Variants in NFIA observed in about 807,000 individuals in gnomAD.
NFIA encodes the protein nuclear factor 1 A-type.
Under a neutral mutation model 62.8 loss-of-function variants are expected in NFIA, and 8 were observed. The observed-to-expected ratio is 0.13, with a 90% CI of 0.07 to 0.23. The LOEUF is 0.23. Among genes scored for constraint, NFIA ranks in the 10% least tolerant of loss-of-function variants. The pLI is 1.00. For missense variants in NFIA, 410 were observed against 642.1 expected (o/e 0.64, Z 3.91); for synonymous variants, 235 against 238.1 (o/e 0.99, Z 0.12).
intron 2 of NFIA, among the ~76,000 whole-genome samples, chr1:61,137,536 T>C (rs1647220624): frequency 2.0e-5 from 3 of 152,242 alleles, no homozygotes. Context: ...GGGTGAGTTC[T>C]AAATAAAACT....
At chr1:61,415,038 C>G (rs1666290128) in intron 9 of NFIA, among the ~76,000 whole-genome samples, 1 of 152,066 alleles carries the variant, frequency 6.6e-6, no homozygotes, top group Non-Finnish European at 1.5e-5. Flanking sequence ...ATTTTAATTC[C>G]TCTACCAGTG....
At chr1:61,262,664 T>C (rs1372009312) in intron 2 of NFIA, among the ~76,000 whole-genome samples, 1 of 152,188 alleles carries the variant, frequency 6.6e-6, no homozygotes, top group Non-Finnish European at 1.5e-5. Flanking sequence ...ATTAAGTCAA[T>C]AGATGAGTTA....
At chr1:61,209,755 G>C (rs1156652183) in intron 2 of NFIA, among the ~76,000 whole-genome samples, 4 of 152,080 alleles carry the variant, frequency 2.6e-5, no homozygotes, top group African/African-American at 7.2e-5. Flanking sequence ...GGAAGGGTGA[G>C]GCAGGAGAAT....
At chr1:61,293,579 A>G (rs1659019419) in intron 3 of NFIA, among the ~76,000 whole-genome samples, 1 of 152,180 alleles carries the variant, frequency 6.6e-6, no homozygotes, top group South Asian at 2.1e-4. Flanking sequence ...AGCATCCATA[A>G]ATGAGAGATG....
intron 2 of NFIA, among the ~76,000 whole-genome samples, chr1:61,210,850 T>C (rs1230136567): frequency 3.9e-5 from 6 of 152,194 alleles, no homozygotes; most frequent in Admixed American, 3.3e-4. Context: ...TCAGGTGGAC[T>C]TCTTTACTGA....
chr1:61,438,242 A>G (rs1667418990), intron 10 of NFIA, among the ~76,000 whole-genome samples: 1 of 152,218 alleles, frequency 6.6e-6, no homozygotes, highest in African/African-American at 2.4e-5. Flanking sequence ...AAAATTATAA[A>G]TGAATGCCTG....
At chr1:61,313,129 G>A (rs546169047) in intron 3 of NFIA, among the ~76,000 whole-genome samples, 1 of 152,266 alleles carries the variant, frequency 6.6e-6, no homozygotes, top group South Asian at 2.1e-4. Context: ...GTGACAAATT[G>A]TATTCAGAGA....
intron 6 of NFIA, among the ~76,000 whole-genome samples, chr1:61,381,054 A>G (rs1465507985): frequency 2.0e-5 from 3 of 151,976 alleles, no homozygotes; most frequent in African/African-American, 7.2e-5. Context: ...GCTATCATCA[A>G]TAAGATTAGT....
chr1:61,198,162 A>G (rs1346224560), intron 2 of NFIA, among the ~76,000 whole-genome samples: 2 of 152,228 alleles, frequency 1.3e-5, no homozygotes, highest in Non-Finnish European at 2.9e-5. Context: ...TGAAGCTTCA[A>G]AGGTCAAACT....
intron 4 of NFIA, 64 bp from the exon 5 acceptor site, chr1:61,352,386 A>G: frequency 9.0e-7 from 1 of 1,107,112 alleles, no homozygotes; most frequent in Non-Finnish European, 1.4e-6. Flanking sequence ...AACACTGAGG[A>G]TGCTGTCATT....
In NFIA at chr1:61,090,359, C is replaced by T. The variant is rs537129167; in HGVS notation, c.559+1679C>T. 3.9e-5 allele frequency among the ~76,000 whole-genome samples: 6 copies of T among 152,242 alleles called. 1 individual carries two copies. Among genetic ancestry groups the T allele is most frequent in the African/African-American group, 1.4e-4 (6 of 41,546 alleles). The stretch of plus-strand genomic sequence containing the variant: ...CAACATCGAAACTTGAAAGTGCCAA[C>T]AGGTGATGCAGATCATGATGTGTGC... On this transcript the variant is annotated intron_variant, in intron 2 of 10. Coordinates refer to ENST00000403491, the MANE Select transcript of NFIA (RefSeq NM_001134673.4).
At chr1:61,377,487 G>A (rs1318133173) in intron 6 of NFIA, among the ~76,000 whole-genome samples, 1 of 152,054 alleles carries the variant, frequency 6.6e-6, no homozygotes, top group African/African-American at 2.4e-5. Context: ...TAGGTTGTTG[G>A]GAATTAGATG....
At chr1:61,450,575 G>T (rs1041069103) in intron 10 of NFIA, among the ~76,000 whole-genome samples, 12 of 152,180 alleles carry the variant, frequency 7.9e-5, no homozygotes, top group African/African-American at 2.9e-4. Flanking sequence ...GGCCTGCAGG[G>T]TGCGGGGAGG....
intron 2 of NFIA, chr1:61,133,049 A>G (rs1217783979): frequency 6.6e-6 from 1 of 152,238 alleles, no homozygotes; most frequent in African/African-American, 2.4e-5. Flanking sequence ...TGCATTCTTT[A>G]AGATCCTGTG....
intron 7 of NFIA, among the ~76,000 whole-genome samples, chr1:61,387,853 G>A (rs192814750): frequency 1.9e-4 from 29 of 152,310 alleles, no homozygotes; most frequent in African/African-American, 5.3e-4. Context: ...GATAGTTCAT[G>A]CAGTACTTCC....
At chr1:61,135,275 C>T (rs183854715) in intron 2 of NFIA, among the ~76,000 whole-genome samples, 15 of 152,220 alleles carry the variant, frequency 9.9e-5, no homozygotes, top group Admixed American at 3.3e-4. Flanking sequence ...GAACTGAGGC[C>T]CAGGTAGCCC....
intron 9 of NFIA, among the ~76,000 whole-genome samples, chr1:61,413,129 T>C (rs1666178880): frequency 6.6e-6 from 1 of 152,196 alleles, no homozygotes; most frequent in Non-Finnish European, 1.5e-5. Flanking sequence ...CCTTCTTCAC[T>C]ATGAACTTTG....
At chr1:61,394,860 A>G (rs148589325) in intron 7 of NFIA, among the ~76,000 whole-genome samples, 24 of 152,270 alleles carry the variant, frequency 1.6e-4, no homozygotes, top group African/African-American at 5.3e-4. Flanking sequence ...TGTAATCCCA[A>G]CATGTTGGGA....
At chr1:61,368,891 C>T (rs1462343045) in intron 6 of NFIA, among the ~76,000 whole-genome samples, 1 of 152,060 alleles carries the variant, frequency 6.6e-6, no homozygotes, top group Non-Finnish European at 1.5e-5. Context: ...TGAAAATAAG[C>T]AAAACAGAAC....
Sources: allele counts gnomAD v4.1 joint callset (sites outside exome capture counted in the v4.1 genomes callset), GRCh38; gene constraint gnomAD v4.1.1; transcripts MANE v1.5; gene names NCBI Gene and HGNC (gene_info 2026-07-23, HGNC 2026-07-21).